Variants in ATP12A observed in about 807,000 individuals in gnomAD.
ATP12A encodes the protein potassium-transporting ATPase alpha chain 2.
A neutral mutation model predicts 111.2 loss-of-function variants in ATP12A; 81 were observed. That is an observed-to-expected ratio of 0.73 (90% CI 0.61 to 0.88). The LOEUF (loss-of-function observed/expected upper bound fraction) is 0.88. Among genes scored for constraint, ATP12A ranks in the 40% least tolerant of loss-of-function variants. The pLI, the probability that ATP12A is intolerant of heterozygous loss-of-function variation, is 0.00. For missense variants in ATP12A, 1,196 were observed against 1,313.1 expected (o/e 0.91, Z 1.38); for synonymous variants, 498 against 499.8 (o/e 1.00, Z 0.05).
intron 12 of ATP12A, 101 bp from the exon 13 acceptor site, chr13:24,700,646 G>A (rs551393403): frequency 6.5e-6 from 7 of 1,077,734 alleles, no homozygotes; most frequent in Non-Finnish European, 9.2e-6. Flanking sequence ...TAATGTATTG[G>A]TAAAACAGCA....
In ATP12A at chr13:24,680,667, C is replaced by T. The variant is rs952675341; in HGVS notation, c.-77C>T. On this transcript the variant is annotated 5_prime_UTR_variant, in exon 1 of 23. Coordinates refer to ENST00000381946, the MANE Select transcript of ATP12A (RefSeq NM_001676.7). ...CTGCCACTGCCACAGCCACACGAGG[C>T]CCCCCACCGTGCGCTCCGCCGCTGC... The T allele has an allele frequency of 3.4e-6, 5 of 1,474,508 alleles. No homozygotes were observed. The African/African-American group carries it at 7.3e-5, about 22-fold the overall frequency. The allele number at this position is 1,474,508 out of a possible 1,614,324, so 91.3% of individuals were successfully genotyped here.
chr13:24,706,263 A>G (rs371277928), intron 14 of ATP12A, 50 bp from the exon 15 acceptor site: 38 of 1,594,286 alleles, frequency 2.4e-5, no homozygotes, highest in Non-Finnish European at 3.0e-5. Flanking sequence ...ACAGTGTTTC[A>G]ACCTAAGATC....
intron 21 of ATP12A, 80 bp from the exon 22 acceptor site, chr13:24,711,238 A>G: frequency 7.7e-7 from 1 of 1,292,158 alleles, no homozygotes; most frequent in South Asian, 1.3e-5. Context: ...CAAATGAACG[A>G]GAAGCCCCAT....
At chr13:24,694,204 C>CT (rs1304829475) in intron 10 of ATP12A, among the ~76,000 whole-genome samples, 1 of 152,278 alleles carries the variant, frequency 6.6e-6, no homozygotes, top group East Asian at 1.9e-4. Context: ...TTCGTAGCTG[C>CT]TTTTTTCCAC....
intron 3 of ATP12A, among the ~76,000 whole-genome samples, chr13:24,686,236 T>C (rs552372300): frequency 6.0e-5 from 9 of 150,228 alleles, no homozygotes; most frequent in African/African-American, 2.2e-4. Context: ...GTCGGGAGTT[T>C]GAGACCAGCC....
rs1005621934 is a variant in ATP12A at position 24,687,419 on chromosome 13, G to A, written c.229-900G>A. Among the ~76,000 whole-genome samples the A allele has an allele frequency of 1.5e-4, 23 of 152,010 alleles. 1 individual carries two copies. Among genetic ancestry groups the A allele is most frequent in the Admixed American group, 8.5e-4 (13 of 15,274 alleles). ...GAGGAGGTTGCAGTGAGACGAGATC[G>A]CACCAGTGCACTCCAGCTTGGGCAA... On this transcript the variant is annotated intron_variant, in intron 3 of 22. Transcript: ENST00000381946.
chr13:24,692,951 T>G, intron 10 of ATP12A, 55 bp downstream of exon 10: 1 of 1,500,356 alleles, frequency 6.7e-7, no homozygotes, highest in South Asian at 1.1e-5. Context: ...AGTCACTTGC[T>G]GAGGTCTGAT....
chr13:24,700,020 T>C (rs1252333229), intron 12 of ATP12A, among the ~76,000 whole-genome samples: 3 of 152,236 alleles, frequency 2.0e-5, no homozygotes, highest in Non-Finnish European at 4.4e-5. Flanking sequence ...GTTTGATTTC[T>C]CAAAGCCTGC....
intron 14 of ATP12A, among the ~76,000 whole-genome samples, chr13:24,703,181 G>A (rs543682076): frequency 6.6e-6 from 1 of 152,226 alleles, no homozygotes; most frequent in East Asian, 1.9e-4. Flanking sequence ...TATTTGTTTG[G>A]TTTTGTAAGA....
At chr13:24,693,046 T>C (rs1328234455) in intron 10 of ATP12A, 150 bp downstream of exon 10, 2 of 666,952 alleles carry the variant, frequency 3.0e-6, no homozygotes, top group Non-Finnish European at 2.5e-6. Context: ...CATCCAGAAA[T>C]TTTTCTTTAT....
At chr13:24,696,718 CAAAAAAAAA>C (rs1199522203) in intron 11 of ATP12A, among the ~76,000 whole-genome samples, 4 of 33,038 alleles carry the variant, frequency 1.2e-4, no homozygotes, top group African/African-American at 2.8e-4. Flanking sequence ...GACTCCGTCT[CAAAAAAAAA>C]AAAAAAAAAA....
At chr13:24,691,298 C>A (rs761004043) in intron 8 of ATP12A, 48 bp downstream of exon 8, 1 of 1,563,564 alleles carries the variant, frequency 6.4e-7, no homozygotes, top group Non-Finnish European at 8.6e-7. Flanking sequence ...GTGGACACAG[C>A]ACTGGTGCTG....
chr13:24,711,306 C>A lies in ATP12A; in HGVS notation c.3000-12C>A. On this transcript the variant is annotated splice_polypyrimidine_tract_variant and intron_variant, in intron 21 of 22. Transcript: ENST00000381946. ...ATGAGTCAGGGTTCACTTTCCATCC[C>A]TTTGCTTCCAGGGCTCAGTACTGGT... is the stretch of plus-strand genomic sequence containing the variant. 1 of 1,587,288 alleles carries A rather than the reference C, an allele frequency of 6.3e-7. No individual in the cohort carries two copies.
At chr13:24,696,111 C>T (rs1875140903) in intron 11 of ATP12A, among the ~76,000 whole-genome samples, 1 of 152,096 alleles carries the variant, frequency 6.6e-6, no homozygotes, top group South Asian at 2.1e-4. Flanking sequence ...TATTATTATA[C>T]TAATAATACT....
In ATP12A at chr13:24,709,410, T is replaced by C. The variant is rs769400717; in HGVS notation, c.2540T>C (p.Met847Thr). The C allele has an allele frequency of 2.5e-6, 4 of 1,613,354 alleles. No homozygotes were observed. The highest frequency in any genetic ancestry group is 3.4e-6 in the Non-Finnish European group (4 of 1,179,830). Residue 847 changes from methionine to threonine, a missense_variant, in exon 18 of 23, where the codon ATG becomes ACG. Coordinates refer to ENST00000381946, the MANE Select transcript of ATP12A (RefSeq NM_001676.7). ...TACGAGAAAGCTGAAAGTGACATCA[T>C]GAACAGGAAGCCTCGCCACAAGAAT... ...LAYEKAESDI[M>T]NRKPRHKNKD...
rs1056984391 is a variant in ATP12A at position 24,701,023 on chromosome 13, G to A, written c.1881+101G>A. ...ATGGTCAGTATTTAGGTGTCTTCAA[G>A]TAAATATCATAATTCCTATTTTATT... is the stretch of plus-strand genomic sequence containing the variant. On this transcript the variant is annotated intron_variant, in intron 13 of 22. Transcript: ENST00000381946. 18 of 1,266,100 alleles carry A rather than the reference G, an allele frequency of 1.4e-5. 1 individual carries two copies. The African/African-American group carries it at 2.0e-4, about 14-fold the overall frequency. The allele number at this position is 1,266,100 out of a possible 1,614,324, so 78.4% of individuals were successfully genotyped here. A position where few individuals can be genotyped will look rare whatever the true frequency, so the allele number is the denominator to read the frequency against.
chr13:24,707,335 A>G lies in ATP12A; in HGVS notation c.2395A>G (p.Ile799Val). ...KTIAYSLTKNIAELCPFLIYI... is the reference protein window; with the variant it reads ...KTIAYSLTKNVAELCPFLIYI... The stretch of plus-strand genomic sequence containing the variant: ...TATTGCTTATTCCCTGACCAAGAAC[A>G]TTGCCGAGCTGTGCCCCTTTCTGAT... The change falls in exon 17 of 23, where the codon ATT becomes GTT. Residue 799 changes from isoleucine to valine, a missense_variant. Around this residue, in one of 3 missense-constraint regions of ATP12A, gnomAD observed 1,126 missense variants for 1,228.5 expected, o/e 0.92. Coordinates refer to ENST00000381946, the MANE Select transcript of ATP12A (RefSeq NM_001676.7). 6.2e-7 allele frequency: 1 copy of G among 1,614,162 alleles called. No individual in the cohort carries two copies. The highest frequency in any genetic ancestry group is 1.1e-5 in the South Asian group (1 of 91,068).
chr13:24,700,109 C>T (rs1021431110), intron 12 of ATP12A, among the ~76,000 whole-genome samples: 5 of 152,146 alleles, frequency 3.3e-5, no homozygotes, highest in African/African-American at 1.2e-4. Context: ...CTTGGAGGTC[C>T]CACCAGACAC....
At chr13:24,689,173 A>G (rs1874776562) in intron 4 of ATP12A, 89 bp from the exon 5 acceptor site, 1 of 996,106 alleles carries the variant, frequency 1.0e-6, no homozygotes, top group Admixed American at 1.8e-5. Flanking sequence ...AACTGCCAGC[A>G]TTGCATCCTC....
Sources: allele counts gnomAD v4.1 joint callset (sites outside exome capture counted in the v4.1 genomes callset), GRCh38; gene constraint gnomAD v4.1.1; regional missense constraint gnomAD v4.1.1; transcripts MANE v1.5; gene names NCBI Gene and HGNC (gene_info 2026-07-23, HGNC 2026-07-21).